The following POT1 variants were observed in gnomAD, a reference collection of about 807,000 sequenced individuals.
The protein encoded by POT1 is protection of telomeres protein 1.
Under a neutral mutation model 78.5 loss-of-function variants are expected in POT1, and 47 were observed. The ratio of observed to expected loss-of-function variants is 0.60; its 90% confidence interval spans 0.47 to 0.76. The LOEUF is 0.76. Ranked by LOEUF, POT1 falls within the 30% of genes least tolerant of loss-of-function variation. The pLI is 0.00. For missense variants in POT1, 646 were observed against 749.9 expected (o/e 0.86, Z 1.62); for synonymous variants, 259 against 260.7 (o/e 0.99, Z 0.06).
intron 6 of POT1, among the ~76,000 whole-genome samples, chr7:124,879,395 T>C (rs1232306731): frequency 6.6e-6 from 1 of 152,104 alleles, no homozygotes; most frequent in African/African-American, 2.4e-5. Context: ...CCTGCTAGCA[T>C]AGGGAATCAT....
At position 124,892,213 on chromosome 7, in the gene POT1, T is replaced by C. The variant is rs1183893382; in HGVS notation, c.124+53A>G. ...TAGGGTACAGATGGAACCGTGTTCC[T>C]AAATCAATAATGCATTTCCACTCCA... On this transcript the variant is annotated intron_variant, in intron 6 of 18. Transcript: ENST00000357628. The C allele has an allele frequency of 1.4e-5, 16 of 1,128,524 alleles. No individual in the cohort carries two copies. In the East Asian group the frequency reaches 4.4e-4, roughly 31 times the overall value. 69.9% of individuals were successfully genotyped at this position (1,128,524 alleles called of 1,614,324 possible). A position where few individuals can be genotyped will look rare whatever the true frequency, so the allele number is the denominator to read the frequency against.
intron 6 of POT1, among the ~76,000 whole-genome samples, chr7:124,888,050 A>T (rs926003334): frequency 2.0e-5 from 3 of 152,130 alleles, no homozygotes; most frequent in African/African-American, 7.2e-5. Context: ...AATCATGGCC[A>T]GGGCCAGTGC....
At chr7:124,849,611 G>A (rs1336873365) in intron 11 of POT1, among the ~76,000 whole-genome samples, 2 of 152,002 alleles carry the variant, frequency 1.3e-5, no homozygotes, top group Non-Finnish European at 2.9e-5. Flanking sequence ...TAGATACATC[G>A]ACCTCACTTT....
intron 7 of POT1, 80 bp from the exon 8 acceptor site, chr7:124,863,720 G>A (rs1795656346): frequency 8.9e-7 from 1 of 1,123,074 alleles, no homozygotes; most frequent in South Asian, 1.5e-5. Flanking sequence ...AAAGAAACTG[G>A]AAAGATTATC....
chr7:124,899,877 T>A (rs1187115957), intron 3 of POT1, among the ~76,000 whole-genome samples: 2 of 152,136 alleles, frequency 1.3e-5, no homozygotes, highest in Non-Finnish European at 2.9e-5. Context: ...TAAACTTTTT[T>A]AAAAGACTGA....
At position 124,859,053 on chromosome 7, in the gene POT1, A is replaced by G; in HGVS notation, c.606T>C (p.Val202=). The G allele has an allele frequency of 6.2e-7, 1 of 1,611,220 alleles. No individual in the cohort carries two copies. The highest frequency in any genetic ancestry group is 1.1e-5 in the South Asian group (1 of 90,720). ...PSWRVLIQDL[V]LEGDLSHIHR... is the part of the protein sequence containing the mutation. ...GGATGTGACTTAAATCACCTTCAAG[A>G]ACAAGGTCTTGTATTAAGACTCTCC... The change falls in exon 9 of 19, where the codon GTT becomes GTC. Residue 202 remains valine, a synonymous_variant. Coordinates refer to ENST00000357628, the MANE Select transcript of POT1 (RefSeq NM_015450.3).
chr7:124,841,522 A>G (rs1795028284), intron 13 of POT1, among the ~76,000 whole-genome samples: 1 of 151,932 alleles, frequency 6.6e-6, no homozygotes, highest in Non-Finnish European at 1.5e-5. Context: ...CAGTAGGAGA[A>G]AAAAATGCAG....
chr7:124,876,030 T>C (rs1354973124), intron 6 of POT1, among the ~76,000 whole-genome samples: 10 of 152,198 alleles, frequency 6.6e-5, no homozygotes, highest in Non-Finnish European at 1.3e-4. Flanking sequence ...GAATTGATGT[T>C]CAGAAATCTA....
At chr7:124,902,065 G>T (rs988840963) in intron 3 of POT1, among the ~76,000 whole-genome samples, 1 of 152,166 alleles carries the variant, frequency 6.6e-6, no homozygotes, top group East Asian at 1.9e-4. Flanking sequence ...GTACCTAAAA[G>T]TGATGGGGAG....
Position 124,855,356 on chromosome 7 carries a change from G to A in POT1, c.703-2218C>T, listed in dbSNP as rs368511636. ...CATTTAAAAAATAAGGTGAACACAC[G>A]GGTGTTTATTATACTATCTTGTCTA... On this transcript the variant is annotated intron_variant, in intron 9 of 18. Transcript: ENST00000357628. Among the ~76,000 whole-genome samples the A allele has an allele frequency of 3.3e-5, 5 of 151,698 alleles. No individual in the cohort carries two copies. The East Asian group carries it at 5.8e-4, about 18-fold the overall frequency.
rs544668410 is a variant in POT1 at position 124,822,563 on chromosome 7, A to C, written c.*1399T>G. 1.2e-3 allele frequency: 550 copies of C among 455,898 alleles called. No homozygotes were observed. Among genetic ancestry groups the C allele is most frequent in the Middle Eastern group, 2.6e-3 (8 of 3,074 alleles). The allele number at this position is 455,898 out of a possible 1,614,324, so 28.2% of individuals were successfully genotyped here. On this transcript the variant is annotated 3_prime_UTR_variant, in exon 19 of 19. Transcript: ENST00000357628. ...AGATTGAGGGCTTCCTGAAGGCAGA[A>C]AAAATGTTTATTTCACCTTTGTATC...
chr7:124,875,210 T>C (rs1437345600), intron 6 of POT1, among the ~76,000 whole-genome samples: 1 of 152,184 alleles, frequency 6.6e-6, no homozygotes, highest in East Asian at 1.9e-4. Flanking sequence ...GGCTCTATTG[T>C]ACCCTTTTAT....
chr7:124,891,722 A>G (rs1796376066), intron 6 of POT1, among the ~76,000 whole-genome samples: 1 of 151,478 alleles, frequency 6.6e-6, no homozygotes, highest in South Asian at 2.1e-4. Context: ...GGTTTACATA[A>G]AGTACCTTAT....
At chr7:124,874,733 C>CA (rs1208217687) in intron 6 of POT1, among the ~76,000 whole-genome samples, 3,882 of 90,356 alleles carry the variant, frequency 0.043, 109 homozygotes, top group African/African-American at 0.12. Context: ...AGATCTGCCT[C>CA]AAAAAAAAAA....
intron 2 of POT1, among the ~76,000 whole-genome samples, chr7:124,917,377 C>A (rs1441958881): frequency 1.3e-5 from 2 of 152,084 alleles, no homozygotes; most frequent in African/African-American, 4.8e-5. Context: ...ATCCTACATA[C>A]AAAGTAACTC....
At chr7:124,882,914 T>C (rs1796151642) in intron 6 of POT1, among the ~76,000 whole-genome samples, 2 of 152,018 alleles carry the variant, frequency 1.3e-5, no homozygotes, top group Admixed American at 6.6e-5. Context: ...AAATACAAAG[T>C]GAAGTGATAG....
At chr7:124,893,985 T>C (rs1796434749) in intron 5 of POT1, among the ~76,000 whole-genome samples, 1 of 151,502 alleles carries the variant, frequency 6.6e-6, no homozygotes, top group Admixed American at 6.6e-5. Context: ...CAAAAGATAA[T>C]TTTTTGAAAT....
intron 3 of POT1, among the ~76,000 whole-genome samples, chr7:124,903,947 C>T (rs527841078): frequency 2.6e-5 from 4 of 152,150 alleles, no homozygotes; most frequent in Non-Finnish European, 5.9e-5. Flanking sequence ...AGACACACAC[C>T]CTCCCAAGAC....
intron 6 of POT1, among the ~76,000 whole-genome samples, chr7:124,874,413 C>T (rs1337586814): frequency 6.6e-6 from 1 of 152,114 alleles, no homozygotes; most frequent in African/African-American, 2.4e-5. Flanking sequence ...ACTATACCTA[C>T]ATTTTTAAAT....
Sources: allele counts gnomAD v4.1 joint callset (sites outside exome capture counted in the v4.1 genomes callset), GRCh38; gene constraint gnomAD v4.1.1; transcripts MANE v1.5; gene names NCBI Gene and HGNC (gene_info 2026-07-23, HGNC 2026-07-21).